PTP4A3: variants seen among roughly 807,000 people sequenced by gnomAD.
PTP4A3 encodes the protein protein tyrosine phosphatase type IVA 3.
Under a neutral mutation model 15.2 loss-of-function variants are expected in PTP4A3, and 9 were observed. That is an observed-to-expected ratio of 0.59 (90% CI 0.36 to 1.03). The LOEUF (loss-of-function observed/expected upper bound fraction) is 1.03, where lower values mean the gene tolerates loss of function less well. Ranked by LOEUF, PTP4A3 falls within the 50% of genes least tolerant of loss-of-function variation. PTP4A3 has a pLI of 0.02. For missense variants in PTP4A3, 234 were observed against 252.1 expected, an observed-to-expected ratio of 0.93 and a Z score of 0.49; for synonymous variants, 95 against 102.0, an observed-to-expected ratio of 0.93 and a Z score of 0.41.
At chr8:141,417,452 C>G (rs759574916) in intron 1 of PTP4A3, among the ~76,000 whole-genome samples, 1 of 152,054 alleles carries the variant, frequency 6.6e-6, no homozygotes, top group African/African-American at 2.4e-5. Context: ...GCGCCCTCCT[C>G]CTCAGGGTGC....
intron 1 of PTP4A3, among the ~76,000 whole-genome samples, chr8:141,410,063 T>C (rs1832827957): frequency 1.3e-5 from 2 of 152,254 alleles, no homozygotes; most frequent in South Asian, 4.1e-4. Flanking sequence ...CAGGCCTGGC[T>C]CTGCCCAGCC....
At position 141,425,196 on chromosome 8, in the gene PTP4A3, CGG is replaced by C; in HGVS notation, c.198+61_198+62del. The C allele has an allele frequency of 5.5e-6, 2 of 361,486 alleles. No homozygotes were observed. Among genetic ancestry groups the C allele is most frequent in the Non-Finnish European group, 5.4e-6 (1 of 185,990 alleles). The allele number at this position is 361,486 out of a possible 1,614,324, so 22.4% of individuals were successfully genotyped here. On this transcript the variant is annotated intron_variant, in intron 3 of 5. Transcript: ENST00000521578. This position sits in a 1 kb window ranked among gnomAD's most constrained non-coding sequence, Gnocchi z 4.2. ...CTGCTGCCACCGGGGGAGGGTGGGG[CGG>C]GGGGCTCCGGGCCTGCGCAGAGGGT...
At chr8:141,418,921 G>C (rs1833188821) in intron 1 of PTP4A3, among the ~76,000 whole-genome samples, 2 of 152,170 alleles carry the variant, frequency 1.3e-5, no homozygotes, top group Non-Finnish European at 2.9e-5. Context: ...AGGCAGGGCA[G>C]AGCCACATAG....
Position 141,406,694 on chromosome 8 carries a change from G to A in PTP4A3, c.-854+14610G>A, listed in dbSNP as rs1832733911. 6.6e-6 allele frequency among the ~76,000 whole-genome samples: 1 copy of A among 152,286 alleles called. No homozygotes were observed. The highest frequency in any genetic ancestry group is 6.5e-5 in the Admixed American group (1 of 15,298). On this transcript the variant is annotated intron_variant, in intron 1 of 5. Coordinates refer to ENST00000521578, the MANE Select transcript of PTP4A3 (RefSeq NM_032611.3). The surrounding 1 kb of genome is among the most constrained non-coding windows in gnomAD (Gnocchi z 4.5). The stretch of plus-strand genomic sequence containing the variant: ...TGGATTCTGTGTGGCACAGAAGATG[G>A]CGAGTGGTGACGGCTGTGTTGCCTG...
chr8:141,415,820 G>C lies in PTP4A3; in HGVS notation c.-853-5568G>C, dbSNP rs376138779. On this transcript the variant is annotated intron_variant, in intron 1 of 5. Transcript: ENST00000521578. ...TGGCATGGGGGGATGTGGCAGTGAG[G>C]AGGCTGGGCCCTTGGAGCTGCCGAG... Among the ~76,000 whole-genome samples, 131 of 134,742 alleles carry C rather than the reference G, an allele frequency of 9.7e-4. 1 individual carries two copies. Among genetic ancestry groups the C allele is most frequent in the Non-Finnish European group, 6.1e-4 (38 of 61,874 alleles). The allele number at this position is 134,742 out of a possible 152,430, so 88.4% of individuals were successfully genotyped here.
intron 1 of PTP4A3, among the ~76,000 whole-genome samples, chr8:141,419,571 G>GGT (rs758909287): frequency 3.8e-5 from 5 of 132,152 alleles, no homozygotes; most frequent in Admixed American, 3.8e-4. Context: ...CCCACCACCG[G>GGT]TTTTTTTTTT....
At chr8:141,399,222 C>T (rs1349467429) in intron 1 of PTP4A3, among the ~76,000 whole-genome samples, 1 of 152,244 alleles carries the variant, frequency 6.6e-6, no homozygotes, top group African/African-American at 2.4e-5. Flanking sequence ...GGCACCCCCA[C>T]TCTGGCATCT....
At chr8:141,427,321 G>A (rs889886997) in intron 4 of PTP4A3, among the ~76,000 whole-genome samples, 2 of 152,172 alleles carry the variant, frequency 1.3e-5, no homozygotes, top group Non-Finnish European at 1.5e-5. Flanking sequence ...GGAAAGGGCT[G>A]CCGTCCCCCT....
intron 1 of PTP4A3, among the ~76,000 whole-genome samples, chr8:141,417,225 C>A (rs1448020566): frequency 2.0e-5 from 3 of 152,192 alleles, no homozygotes; most frequent in Non-Finnish European, 4.4e-5. Context: ...CTGAATCCTG[C>A]CTGCCGGTGT....
intron 1 of PTP4A3, among the ~76,000 whole-genome samples, chr8:141,405,894 C>T (rs544021337): frequency 2.6e-5 from 4 of 151,762 alleles, no homozygotes; most frequent in African/African-American, 4.8e-5. Flanking sequence ...TGCAAGGGCT[C>T]GGAGGCAGGA....
intron 1 of PTP4A3, among the ~76,000 whole-genome samples, chr8:141,418,162 C>T (rs1345309121): frequency 1.3e-5 from 2 of 152,166 alleles, no homozygotes; most frequent in African/African-American, 4.8e-5. Flanking sequence ...CACGACCCCA[C>T]CCGCGACTGG....
chr8:141,398,997 C>T (rs62522491), intron 1 of PTP4A3, among the ~76,000 whole-genome samples: 2,574 of 152,200 alleles, frequency 0.017, 24 homozygotes, highest in Non-Finnish European at 0.027. Context: ...CCCACGGGAC[C>T]GGTGCTCCCG....
At chr8:141,412,685 T>C (rs1470073374) in intron 1 of PTP4A3, among the ~76,000 whole-genome samples, 1 of 152,166 alleles carries the variant, frequency 6.6e-6, no homozygotes, top group African/African-American at 2.4e-5. Flanking sequence ...GCTTGAGCCC[T>C]CCCACAGCGA....
At chr8:141,428,049 C>G (rs1289799103) in intron 5 of PTP4A3, among the ~76,000 whole-genome samples, 2 of 152,060 alleles carry the variant, frequency 1.3e-5, no homozygotes, top group Admixed American at 1.3e-4. Context: ...ACAGCGAGGC[C>G]ACCCGCCACG....
intron 1 of PTP4A3, 188 bp downstream of exon 1, chr8:141,392,272 G>A (rs1436820325): frequency 6.6e-6 from 1 of 151,930 alleles, no homozygotes; most frequent in South Asian, 2.1e-4. Flanking sequence ...GATCCGGCGG[G>A]AACGTGGGCC....
intron 1 of PTP4A3, among the ~76,000 whole-genome samples, chr8:141,409,206 C>T (rs957664043): frequency 1.3e-5 from 2 of 152,224 alleles, no homozygotes; most frequent in Non-Finnish European, 2.9e-5. Flanking sequence ...CTGGGAGCTG[C>T]AGCATCCAAC....
chr8:141,411,744 C>T (rs904304433), intron 1 of PTP4A3, among the ~76,000 whole-genome samples: 1 of 152,238 alleles, frequency 6.6e-6, no homozygotes, highest in Non-Finnish European at 1.5e-5. Context: ...GATCCCCCTT[C>T]CTGTCCCCGA....
At chr8:141,410,177 C>T (rs1289102643) in intron 1 of PTP4A3, among the ~76,000 whole-genome samples, 2 of 152,230 alleles carry the variant, frequency 1.3e-5, no homozygotes, top group Non-Finnish European at 2.9e-5. Context: ...GATGAGGCCC[C>T]AGGATCACAG....
chr8:141,426,896 C>T (rs1354454137), intron 3 of PTP4A3, 43 bp from the exon 4 acceptor site: 1 of 1,596,702 alleles, frequency 6.3e-7, no homozygotes, highest in East Asian at 2.3e-5. Context: ...CGCCTCTCTA[C>T]CCTCCCTCAG....
Sources: allele counts gnomAD v4.1 joint callset (sites outside exome capture counted in the v4.1 genomes callset), GRCh38; gene constraint gnomAD v4.1.1; non-coding constraint Gnocchi (gnomAD v3.1); transcripts MANE v1.5; gene names NCBI Gene and HGNC (gene_info 2026-07-23, HGNC 2026-07-21).